The following ATP6V0D2 variants were observed in gnomAD, a reference collection of about 807,000 sequenced individuals.
ATP6V0D2 encodes the protein V-type proton ATPase subunit d 2.
Under a neutral mutation model 40.0 loss-of-function variants are expected in ATP6V0D2, and 40 were observed. The ratio of observed to expected loss-of-function variants is 1.00; its 90% CI spans 0.78 to 1.30. The LOEUF (loss-of-function observed/expected upper bound fraction) is 1.30, where lower values mean the gene tolerates loss of function less well. Among genes scored for constraint, ATP6V0D2 ranks in the 50% most tolerant of loss-of-function variants. The pLI, the probability that ATP6V0D2 is intolerant of heterozygous loss-of-function variation, is 0.00. For missense variants in ATP6V0D2, 470 were observed against 423.1 expected (o/e 1.11, Z -0.97); for synonymous variants, 179 against 156.3 (o/e 1.15, Z -1.08).
intron 2 of ATP6V0D2, among the ~76,000 whole-genome samples, chr8:86,137,179 C>T (rs972149613): frequency 6.6e-6 from 1 of 152,154 alleles, no homozygotes; most frequent in Non-Finnish European, 1.5e-5. Context: ...CTCCCTTTCC[C>T]TTGCACAGAC....
At chr8:86,107,861 T>A (rs1818486922) in intron 1 of ATP6V0D2, among the ~76,000 whole-genome samples, 1 of 152,104 alleles carries the variant, frequency 6.6e-6, no homozygotes, top group African/African-American at 2.4e-5. Flanking sequence ...AAAGAGGACT[T>A]TGAAGTTTCA....
rs141379718 is a variant in ATP6V0D2 at position 86,141,523 on chromosome 8, A to G, written c.555A>G (p.Leu185=). The G allele has an allele frequency of 2.5e-6, 4 of 1,594,132 alleles. No homozygotes were observed. Among genetic ancestry groups the G allele is most frequent in the South Asian group, 2.2e-5 (2 of 89,770 alleles). Residue 185 remains leucine (L), a synonymous_variant, in exon 4 of 8, where the codon CTA becomes CTG. Transcript: ENST00000285393. ...ELNIELLRNK[L]YKSYLEAFYK... The stretch of plus-strand genomic sequence containing the variant: ...ATATTGAATTGCTACGCAATAAACT[A>G]TACAAGGTAATGGTTTTCCCAAATA...
chr8:86,131,661 C>G (rs974263986), intron 2 of ATP6V0D2, among the ~76,000 whole-genome samples: 1 of 151,710 alleles, frequency 6.6e-6, no homozygotes, highest in African/African-American at 2.4e-5. Context: ...TCACCACGCC[C>G]AGCTAATTCT....
intron 1 of ATP6V0D2, 37 bp from the exon 2 acceptor site, chr8:86,113,671 CA>C (rs1343180773): frequency 6.5e-7 from 1 of 1,545,386 alleles, no homozygotes; most frequent in African/African-American, 1.4e-5. Flanking sequence ...TGTGTATGTT[CA>C]AAATTTAACC....
intron 2 of ATP6V0D2, among the ~76,000 whole-genome samples, chr8:86,134,146 C>A (rs1818865149): frequency 6.6e-6 from 1 of 151,904 alleles, no homozygotes; most frequent in African/African-American, 2.4e-5. Context: ...CCTCATGGAG[C>A]CAGAAGCAAG....
intron 1 of ATP6V0D2, among the ~76,000 whole-genome samples, chr8:86,111,173 T>C (rs1446374132): frequency 6.9e-6 from 1 of 145,702 alleles, no homozygotes; most frequent in East Asian, 2.1e-4. Flanking sequence ...CGTTTTTTTC[T>C]TTTTTTTTCT....
At chr8:86,148,881 G>A (rs574129347) in intron 5 of ATP6V0D2, among the ~76,000 whole-genome samples, 26 of 151,456 alleles carry the variant, frequency 1.7e-4, no homozygotes, top group Non-Finnish European at 3.2e-4. Flanking sequence ...AGACCAACCT[G>A]GGCATTATGG....
intron 2 of ATP6V0D2, among the ~76,000 whole-genome samples, chr8:86,133,405 C>A (rs1392961419): frequency 2.7e-5 from 4 of 147,194 alleles, no homozygotes; most frequent in African/African-American, 1.0e-4. Flanking sequence ...TCACTGCAAC[C>A]TCCGCCTCCT....
intron 5 of ATP6V0D2, among the ~76,000 whole-genome samples, chr8:86,147,398 T>C (rs1457614182): frequency 6.6e-6 from 1 of 152,160 alleles, no homozygotes; most frequent in Admixed American, 6.5e-5. Flanking sequence ...AGTAAGTTTT[T>C]ATAGGGAAAA....
At position 86,113,751 on chromosome 8, in the gene ATP6V0D2, T is replaced by C; in HGVS notation, c.173T>C (p.Leu58Ser). The part of the protein sequence containing the change: ...HLQTTDYGNF[L>S]ANHTNPLTVS... ...CAGACTACTGATTATGGTAACTTTTTGGCTAATCACACAAATCCTCTTACT... is the reference window on the plus strand; with the variant it reads ...CAGACTACTGATTATGGTAACTTTTCGGCTAATCACACAAATCCTCTTACT... The change falls in exon 2 of 8, where the codon TTG (leucine) becomes TCG (serine). Residue 58 changes from leucine (L) to serine (S), a missense_variant. Coordinates refer to ENST00000285393, the MANE Select transcript of ATP6V0D2 (RefSeq NM_152565.1). 6.2e-7 allele frequency: 1 copy of C among 1,613,252 alleles called. No homozygotes were observed. The highest frequency in any genetic ancestry group is 8.5e-7 in the Non-Finnish European group (1 of 1,179,514).
chr8:86,137,160 C>T (rs1586099082), intron 2 of ATP6V0D2, among the ~76,000 whole-genome samples: 1 of 152,240 alleles, frequency 6.6e-6, no homozygotes, highest in East Asian at 1.9e-4. Context: ...AGTCTTCCGC[C>T]ATCCTCTTCT....
At chr8:86,124,098 G>T (rs1325248410) in intron 2 of ATP6V0D2, among the ~76,000 whole-genome samples, 2 of 152,130 alleles carry the variant, frequency 1.3e-5, no homozygotes, top group African/African-American at 4.8e-5. Context: ...GGTCGGAAAA[G>T]TTCTTCTGTG....
At position 86,101,512 on chromosome 8, in the gene ATP6V0D2, A is replaced by G. The variant is rs150787358; in HGVS notation, c.130+2404A>G. Reference sequence around the variant, plus strand: ...AATTCTAGAAAGTAAAAAGATAAAAATCAGGAATTTAAAAATTGTACCCTA... The same window carrying G: ...AATTCTAGAAAGTAAAAAGATAAAAGTCAGGAATTTAAAAATTGTACCCTA... On this transcript the variant is annotated intron_variant, in intron 1 of 7. Transcript: ENST00000285393. Among the ~76,000 whole-genome samples, 447 of 151,912 alleles carry G rather than the reference A, an allele frequency of 2.9e-3. 3 individuals are homozygous for G. The highest frequency in any genetic ancestry group is 0.01 in the African/African-American group (420 of 41,454).
At chr8:86,120,650 C>T (rs1208379090) in intron 2 of ATP6V0D2, among the ~76,000 whole-genome samples, 2 of 152,130 alleles carry the variant, frequency 1.3e-5, no homozygotes, top group Non-Finnish European at 2.9e-5. Context: ...CTTATCAGAC[C>T]CCTGAACATA....
At chr8:86,145,726 A>G (rs1819060799) in intron 5 of ATP6V0D2, among the ~76,000 whole-genome samples, 1 of 152,218 alleles carries the variant, frequency 6.6e-6, no homozygotes, top group Non-Finnish European at 1.5e-5. Flanking sequence ...CTATGGCTCA[A>G]AAGTAGAATT....
intron 2 of ATP6V0D2, among the ~76,000 whole-genome samples, chr8:86,138,191 G>A (rs1472289681): frequency 2.0e-5 from 3 of 152,106 alleles, no homozygotes; most frequent in Non-Finnish European, 4.4e-5. Flanking sequence ...TCTCCCTTCT[G>A]CCTTGAAATG....
Position 86,153,275 on chromosome 8 carries a change from G to A in ATP6V0D2, c.*298G>A, listed in dbSNP as rs1003129366. 4.2e-5 allele frequency: 8 copies of A among 192,096 alleles called. No individual in the cohort carries two copies. Among genetic ancestry groups the A allele is most frequent in the South Asian group, 1.6e-4 (1 of 6,208 alleles). The allele number at this position is 192,096 out of a possible 1,614,324, so 11.9% of individuals were successfully genotyped here. A position where few individuals can be genotyped will look rare whatever the true frequency, so the allele number is the denominator to read the frequency against. On this transcript the variant is annotated 3_prime_UTR_variant, in exon 8 of 8. Transcript: ENST00000285393. ...TTCTTGTTTGATCATGTTAAAAATT[G>A]GACCTAATAAAAGTATTTTATTCTT...
chr8:86,124,663 G>A (rs78923757), intron 2 of ATP6V0D2, among the ~76,000 whole-genome samples: 14,213 of 152,152 alleles, frequency 0.093, 720 homozygotes, highest in African/African-American at 0.1. Context: ...TACAGGGATC[G>A]TAATTATATA....
intron 4 of ATP6V0D2, 139 bp downstream of exon 4, chr8:86,141,668 G>A (rs2130274647): frequency 1.7e-6 from 1 of 584,130 alleles, no homozygotes; most frequent in Admixed American, 3.4e-5. Flanking sequence ...AGCTTTTATA[G>A]TTCTGGCCTG....
Sources: allele counts gnomAD v4.1 joint callset (sites outside exome capture counted in the v4.1 genomes callset), GRCh38; gene constraint gnomAD v4.1.1; transcripts MANE v1.5; gene names NCBI Gene and HGNC (gene_info 2026-07-23, HGNC 2026-07-21).